The following EPHA6 variants were observed in gnomAD, a reference collection of about 807,000 sequenced individuals.
EPHA6 encodes EPH receptor A6.
In EPHA6, 50 loss-of-function variants were observed where a neutral mutation model predicts 112.0. The ratio of observed to expected loss-of-function variants is 0.45; its 90% CI spans 0.36 to 0.56. The LOEUF is 0.56. EPHA6 is among the 20% of genes least tolerant of loss of function. The pLI, the probability that EPHA6 is intolerant of heterozygous loss-of-function variation, is 0.00. For missense variants in EPHA6, 1,280 were observed against 1,417.4 expected, an observed-to-expected ratio of 0.90 and a Z score of 1.56; for synonymous variants, 529 against 490.7, an observed-to-expected ratio of 1.08 and a Z score of -1.03.
At chr3:97,096,275 CCA>C (rs58752429) in intron 3 of EPHA6, among the ~76,000 whole-genome samples, 48 of 147,710 alleles carry the variant, frequency 3.2e-4, no homozygotes, top group African/African-American at 6.9e-4. Context: ...ACATACACAC[CCA>C]CACACACACA....
chr3:96,862,934 T>C (rs918468732), intron 1 of EPHA6, among the ~76,000 whole-genome samples: 2 of 151,960 alleles, frequency 1.3e-5, no homozygotes, highest in Non-Finnish European at 2.9e-5. Context: ...CTAAAAGACA[T>C]GTTCAGAAAG....
At chr3:97,692,845 A>G (rs1216710040) in intron 14 of EPHA6, among the ~76,000 whole-genome samples, 1 of 152,236 alleles carries the variant, frequency 6.6e-6, no homozygotes, top group African/African-American at 2.4e-5. Flanking sequence ...CACATTAAAT[A>G]ACATTACCCA....
At chr3:97,023,308 T>C (rs1408945192) in intron 3 of EPHA6, among the ~76,000 whole-genome samples, 1 of 152,156 alleles carries the variant, frequency 6.6e-6, no homozygotes, top group Non-Finnish European at 1.5e-5. Flanking sequence ...CTCGATCTCC[T>C]GACCTCATGA....
At chr3:97,422,137 CAAAAAAAA>C (rs34312259) in intron 6 of EPHA6, among the ~76,000 whole-genome samples, 1,177 of 103,430 alleles carry the variant, frequency 0.011, 21 homozygotes, top group African/African-American at 0.035. Flanking sequence ...AATAGTCTCT[CAAAAAAAA>C]AAAAAAAAAA....
At chr3:97,632,458 C>G (rs1234088555) in intron 13 of EPHA6, among the ~76,000 whole-genome samples, 1 of 151,974 alleles carries the variant, frequency 6.6e-6, no homozygotes, top group Non-Finnish European at 1.5e-5. Flanking sequence ...CAAGTTGGAC[C>G]AAGTTCTTCT....
chr3:97,501,594 T>C (rs937592662), intron 10 of EPHA6, among the ~76,000 whole-genome samples: 3 of 151,990 alleles, frequency 2.0e-5, no homozygotes, highest in East Asian at 1.9e-4. Context: ...AAATAACTCA[T>C]GGGTTATTTT....
At chr3:97,058,280 G>C (rs2108111064) in intron 3 of EPHA6, among the ~76,000 whole-genome samples, 1 of 151,904 alleles carries the variant, frequency 6.6e-6, no homozygotes, top group Middle Eastern at 3.4e-3. Context: ...TCATCTAAGA[G>C]TAAGGAGTTT....
chr3:97,303,294 G>A (rs1298953482), intron 5 of EPHA6, among the ~76,000 whole-genome samples: 2 of 151,614 alleles, frequency 1.3e-5, no homozygotes, highest in African/African-American at 2.4e-5. Context: ...ATAATATAAG[G>A]ACAAAAAAAA....
intron 4 of EPHA6, among the ~76,000 whole-genome samples, chr3:97,243,412 C>G (rs1339504227): frequency 6.6e-6 from 1 of 151,816 alleles, no homozygotes; most frequent in Non-Finnish European, 1.5e-5. Context: ...TCCAAATCAT[C>G]TGCTCACCCT....
intron 16 of EPHA6, among the ~76,000 whole-genome samples, chr3:97,738,778 T>G (rs1486460): frequency 7.2e-5 from 11 of 152,080 alleles, no homozygotes; most frequent in African/African-American, 2.4e-4. Flanking sequence ...GAAACCAAAT[T>G]GAAGTTTTTG....
chr3:97,453,139 G>A (rs2090581415), intron 7 of EPHA6, among the ~76,000 whole-genome samples: 1 of 151,728 alleles, frequency 6.6e-6, no homozygotes, highest in African/African-American at 2.4e-5. Flanking sequence ...TGCATGTGCA[G>A]TTTTAAAACC....
chr3:97,627,493 G>A (rs1222805054), intron 13 of EPHA6, among the ~76,000 whole-genome samples: 1 of 151,828 alleles, frequency 6.6e-6, no homozygotes, highest in Admixed American at 6.6e-5. Context: ...CCAGGGAATA[G>A]TAATAGCAAG....
At chr3:97,328,369 C>G (rs1475161724) in intron 5 of EPHA6, among the ~76,000 whole-genome samples, 6 of 151,762 alleles carry the variant, frequency 4.0e-5, no homozygotes, top group African/African-American at 1.5e-4. Flanking sequence ...AATTTGGTAT[C>G]ATCACTGTTT....
intron 3 of EPHA6, among the ~76,000 whole-genome samples, chr3:97,209,645 A>G (rs2077812787): frequency 6.6e-6 from 1 of 152,224 alleles, no homozygotes; most frequent in African/African-American, 2.4e-5. Context: ...TTATAATTCA[A>G]TAATTTTTAC....
chr3:96,948,630 A>T lies in EPHA6; in HGVS notation c.451-38700A>T, dbSNP rs536091174. On this transcript the variant is annotated intron_variant, in intron 2 of 17. Transcript: ENST00000389672. ...GGTAAAAGGAAAGTCTTTATATTTG[A>T]TTAGTGGTGTTTCCTCTATCTTCAG... 4.6e-5 allele frequency among the ~76,000 whole-genome samples: 7 copies of T among 152,266 alleles called. No individual in the cohort carries two copies. In the South Asian group the frequency reaches 1.4e-3, roughly 32 times the overall value.
chr3:97,618,159 A>C (rs932787743), intron 13 of EPHA6, among the ~76,000 whole-genome samples: 1 of 152,140 alleles, frequency 6.6e-6, no homozygotes, highest in Non-Finnish European at 1.5e-5. Context: ...AAATTGTATA[A>C]CCTGCTCCTG....
intron 12 of EPHA6, among the ~76,000 whole-genome samples, chr3:97,593,975 G>T (rs897963989): frequency 1.3e-5 from 2 of 152,160 alleles, no homozygotes; most frequent in African/African-American, 2.4e-5. Context: ...AAATTTTGTT[G>T]TTGATGATGT....
Position 97,244,155 on chromosome 3 carries a change from A to C in EPHA6, c.1474A>C (p.Asn492His). The change falls in exon 5 of 18, where the codon AAT (asparagine) becomes CAT (histidine). Residue 492 changes from asparagine (N) to histidine (H), a missense_variant. Transcript: ENST00000389672. ...CCCAAGACATACAGGCCTGATCAAC[A>C]ATTCCGTGATAGTACTTGACTTTGT... ...FIPRHTGLIN[N>H]SVIVLDFVSH... 6.2e-7 allele frequency: 1 copy of C among 1,613,110 alleles called. No individual in the cohort carries two copies.
chr3:97,090,005 T>C (rs570196689), intron 3 of EPHA6, among the ~76,000 whole-genome samples: 15 of 152,122 alleles, frequency 9.9e-5, no homozygotes, highest in Non-Finnish European at 2.1e-4. Context: ...CTGCAATTTA[T>C]ACTTTAAGTA....
Sources: gnomAD v4.1 joint callset for allele counts (sites outside exome capture counted in the v4.1 genomes callset) on GRCh38, gnomAD v4.1.1 for gene constraint, MANE v1.5 for transcripts, NCBI Gene and HGNC (gene_info 2026-07-23, HGNC 2026-07-21) for gene names.